Variants in ERBB4 observed in about 807,000 individuals in gnomAD.
ERBB4 encodes the protein erb-b2 receptor tyrosine kinase 4, also known as receptor tyrosine-protein kinase erbB-4.
ERBB4 carries 42 observed loss-of-function variants against 158.0 expected under a neutral mutation model. That is an observed-to-expected ratio of 0.27 (90% CI 0.21 to 0.34). The LOEUF (loss-of-function observed/expected upper bound fraction) is 0.34. Among genes scored for constraint, ERBB4 ranks in the 10% least tolerant of loss-of-function variants. ERBB4 has a pLI of 1.00. For synonymous variants in ERBB4, 583 were observed against 558.7 expected (o/e 1.04, Z -0.61); for missense variants, 1,333 against 1,624.1 (o/e 0.82, Z 3.08).
chr2:211,675,389 A>AT (rs1353571386), intron 13 of ERBB4, among the ~76,000 whole-genome samples: 1 of 152,108 alleles, frequency 6.6e-6, no homozygotes, highest in African/African-American at 2.4e-5. Context: ...CTTAAGCCTC[A>AT]TTTTTTAAAA....
intron 1 of ERBB4, among the ~76,000 whole-genome samples, chr2:212,447,393 T>TA (rs34329017): frequency 6.6e-6 from 1 of 152,050 alleles, no homozygotes; most frequent in Non-Finnish European, 1.5e-5. Flanking sequence ...TTTTCTATTT[T>TA]AAAAAAATGT....
intron 2 of ERBB4, among the ~76,000 whole-genome samples, chr2:212,083,643 CA>C (rs890065301): frequency 2.6e-5 from 4 of 150,970 alleles, no homozygotes; most frequent in Non-Finnish European, 4.4e-5. Flanking sequence ...CCCTCCCCCC[CA>C]AAAAAAACAA....
chr2:211,754,643 A>AGGTGATCTGCC (rs1293986524), intron 4 of ERBB4, among the ~76,000 whole-genome samples: 1 of 151,220 alleles, frequency 6.6e-6, no homozygotes, highest in African/African-American at 2.4e-5. Flanking sequence ...TCCCGACCTC[A>AGGTGATCTGCC]TGATCCACCC....
rs2062487819 is a variant in ERBB4 at position 211,377,078 on chromosome 2, G to C, written c.*6537C>G. ...GTTGATTACTGGAGTAATCCCAAAA[G>C]GGTTCTTGGAGTGCTATGGTTGTAG... is the stretch of plus-strand genomic sequence containing the variant. On this transcript the variant is annotated 3_prime_UTR_variant, in exon 28 of 28. Coordinates refer to ENST00000342788, the MANE Select transcript of ERBB4 (RefSeq NM_005235.3). 4.3e-6 allele frequency: 1 copy of C among 232,938 alleles called. No homozygotes were observed. Among genetic ancestry groups the C allele is most frequent in the Non-Finnish European group, 8.5e-6 (1 of 117,640 alleles). The allele number at this position is 232,938 out of a possible 1,614,324, so 14.4% of individuals were successfully genotyped here.
intron 1 of ERBB4, among the ~76,000 whole-genome samples, chr2:212,245,092 G>A (rs1302280423): frequency 6.6e-6 from 1 of 151,992 alleles, no homozygotes; most frequent in Non-Finnish European, 1.5e-5. Context: ...CAGTAAAACT[G>A]TGCTTTAAAA....
At chr2:212,084,587 T>G (rs936629116) in intron 2 of ERBB4, among the ~76,000 whole-genome samples, 1 of 151,968 alleles carries the variant, frequency 6.6e-6, no homozygotes, top group Non-Finnish European at 1.5e-5. Flanking sequence ...GGAAAGACAT[T>G]AAAAGTTACA....
At chr2:212,109,128 A>G (rs1384654501) in intron 2 of ERBB4, among the ~76,000 whole-genome samples, 1 of 152,182 alleles carries the variant, frequency 6.6e-6, no homozygotes, top group Non-Finnish European at 1.5e-5. Flanking sequence ...GAAAATGAAC[A>G]AACATCTTTG....
intron 20 of ERBB4, among the ~76,000 whole-genome samples, chr2:211,516,574 A>T (rs1404120223): frequency 6.6e-6 from 1 of 151,954 alleles, no homozygotes; most frequent in Non-Finnish European, 1.5e-5. Flanking sequence ...GCCTCAAGTG[A>T]TCTGCTGGAC....
chr2:211,733,550 G>A (rs1187030035), intron 5 of ERBB4, among the ~76,000 whole-genome samples: 1 of 148,062 alleles, frequency 6.8e-6, no homozygotes, highest in Non-Finnish European at 1.5e-5. Flanking sequence ...GTAAAAAAAA[G>A]TCATAATTAT....
At chr2:211,986,080 T>G (rs562323325) in intron 2 of ERBB4, among the ~76,000 whole-genome samples, 1 of 152,170 alleles carries the variant, frequency 6.6e-6, no homozygotes, top group Non-Finnish European at 1.5e-5. Flanking sequence ...TATGGCCATG[T>G]GAAGATGGAG....
chr2:211,840,498 T>C (rs2077447121), intron 3 of ERBB4, among the ~76,000 whole-genome samples: 1 of 152,114 alleles, frequency 6.6e-6, no homozygotes, highest in Non-Finnish European at 1.5e-5. Context: ...TGGGCCTGCT[T>C]AAGGAGTTGA....
intron 1 of ERBB4, among the ~76,000 whole-genome samples, chr2:212,427,228 A>C (rs1488461577): frequency 1.3e-5 from 2 of 152,172 alleles, no homozygotes; most frequent in African/African-American, 2.4e-5. Context: ...ATGCAAATAG[A>C]AGAAAGCAGT....
At chr2:212,054,495 A>C (rs1397628011) in intron 2 of ERBB4, among the ~76,000 whole-genome samples, 1 of 152,194 alleles carries the variant, frequency 6.6e-6, no homozygotes, top group Non-Finnish European at 1.5e-5. Flanking sequence ...CAACCTGGGG[A>C]GTAGAAAAGA....
intron 3 of ERBB4, among the ~76,000 whole-genome samples, chr2:211,840,640 G>A (rs2077450114): frequency 6.6e-6 from 1 of 152,076 alleles, no homozygotes. Context: ...TGGCTAAGCT[G>A]GTTCTCCTAA....
chr2:212,103,721 A>ATT (rs10707766), intron 2 of ERBB4, among the ~76,000 whole-genome samples: 1 of 148,108 alleles, frequency 6.8e-6, no homozygotes, highest in Non-Finnish European at 1.5e-5. Flanking sequence ...CTGATTTTTC[A>ATT]TTTTTTTTTT....
intron 2 of ERBB4, among the ~76,000 whole-genome samples, chr2:212,123,328 G>C (rs991447561): frequency 2.0e-5 from 3 of 152,166 alleles, no homozygotes; most frequent in Non-Finnish European, 4.4e-5. Flanking sequence ...GCTTGAACTC[G>C]TGAGGCGGAG....
At chr2:211,751,960 T>C (rs2075143686) in intron 4 of ERBB4, among the ~76,000 whole-genome samples, 1 of 152,192 alleles carries the variant, frequency 6.6e-6, no homozygotes, top group Non-Finnish European at 1.5e-5. Context: ...CGGGGATCTT[T>C]GCTACAACAG....
At chr2:211,510,264 G>A (rs1364518381) in intron 20 of ERBB4, among the ~76,000 whole-genome samples, 1 of 152,026 alleles carries the variant, frequency 6.6e-6, no homozygotes, top group East Asian at 1.9e-4. Context: ...TAAACAATGG[G>A]TACTCATGCA....
At chr2:211,937,382 C>G (rs1429693676) in intron 3 of ERBB4, among the ~76,000 whole-genome samples, 1 of 152,082 alleles carries the variant, frequency 6.6e-6, no homozygotes, top group Non-Finnish European at 1.5e-5. Flanking sequence ...AGTGTCTATT[C>G]TAGAAATAAT....
Sources: gnomAD v4.1 joint callset for allele counts (sites outside exome capture counted in the v4.1 genomes callset) on GRCh38, gnomAD v4.1.1 for gene constraint, MANE v1.5 for transcripts, NCBI Gene and HGNC (gene_info 2026-07-23, HGNC 2026-07-21) for gene names.